Variants in CETN3 observed in about 807,000 individuals in gnomAD.
The protein encoded by CETN3 is centrin-3.
Under a neutral mutation model 20.1 loss-of-function variants are expected in CETN3, and 17 were observed. The ratio of observed to expected loss-of-function variants is 0.85; its 90% confidence interval spans 0.58 to 1.27. The LOEUF is 1.27. Among genes scored for constraint, CETN3 ranks in the 50% most tolerant of loss-of-function variants. The pLI is 0.00. For synonymous variants in CETN3, 52 were observed against 59.7 expected, an observed-to-expected ratio of 0.87 and a Z score of 0.59; for missense variants, 169 against 191.2, an observed-to-expected ratio of 0.88 and a Z score of 0.69.
chr5:90,393,734 AT>A lies in CETN3; in HGVS notation c.*329del, dbSNP rs1749071069. On this transcript the variant is annotated 3_prime_UTR_variant, in exon 5 of 5. Transcript: ENST00000283122. ...ACTTTAAAATTCTAATAAAATAAAT[AT>A]TTTATTAACGAAAGTCTGGAAAATG... 6.1e-6 allele frequency: 1 copy of A among 162,618 alleles called. No homozygotes were observed. Among genetic ancestry groups the A allele is most frequent in the South Asian group, 2.0e-4 (1 of 4,932 alleles). The allele number at this position is 162,618 out of a possible 1,614,324, so 10.1% of individuals were successfully genotyped here.
In CETN3 at chr5:90,394,056, G is replaced by C. The variant is rs770453590; in HGVS notation, c.*8C>G. On this transcript the variant is annotated 3_prime_UTR_variant, in exon 5 of 5. Transcript: ENST00000283122. The stretch of plus-strand genomic sequence containing the variant: ...TGCAACATTCTTAGTGTTTATCCTT[G>C]TAATTCTTTAAATGTCACCAGTCAT... 6.5e-7 allele frequency: 1 copy of C among 1,529,468 alleles called. No individual in the cohort carries two copies. The highest frequency in any genetic ancestry group is 9.0e-7 in the Non-Finnish European group (1 of 1,112,272). The allele number at this position is 1,529,468 out of a possible 1,614,324, so 94.7% of individuals were successfully genotyped here.
intron 2 of CETN3, 119 bp downstream of exon 2, chr5:90,407,580 G>A (rs1749484131): frequency 3.2e-6 from 2 of 626,972 alleles, no homozygotes. Context: ...TGCTTAAAAT[G>A]CCTTCATAGT....
At chr5:90,396,499 T>C in intron 4 of CETN3, 1 of 1,533,034 alleles carries the variant, frequency 6.5e-7, no homozygotes, top group Non-Finnish European at 8.7e-7. Flanking sequence ...GCACCTTCAC[T>C]GAAGAACTCC....
chr5:90,397,512 G>A (rs1305199583), intron 4 of CETN3, among the ~76,000 whole-genome samples: 2 of 151,986 alleles, frequency 1.3e-5, no homozygotes, highest in East Asian at 3.8e-4. Flanking sequence ...GAATTTTACA[G>A]AACTAAGTAG....
chr5:90,393,869 G>C lies in CETN3; in HGVS notation c.*195C>G. 2.3e-6 allele frequency: 1 copy of C among 429,780 alleles called. No homozygotes were observed. Among genetic ancestry groups the C allele is most frequent in the East Asian group, 3.8e-5 (1 of 26,334 alleles). The allele number at this position is 429,780 out of a possible 1,614,324, so 26.6% of individuals were successfully genotyped here. A position where few individuals can be genotyped will look rare whatever the true frequency, so the allele number is the denominator to read the frequency against. ...ATAAAAGCTCTATTATAAATACAAA[G>C]CTAAACTATCTGAGTACTAACAACA... is the stretch of plus-strand genomic sequence containing the variant. On this transcript the variant is annotated 3_prime_UTR_variant, in exon 5 of 5. Transcript: ENST00000283122.
chr5:90,396,649 A>T, intron 4 of CETN3: 1 of 947,458 alleles, frequency 1.1e-6, no homozygotes, highest in Non-Finnish European at 1.4e-6. Context: ...CATGATTAAA[A>T]TATTCAAAAT....
intron 3 of CETN3, among the ~76,000 whole-genome samples, chr5:90,402,657 G>C (rs1223710365): frequency 6.6e-6 from 1 of 152,110 alleles, no homozygotes; most frequent in African/African-American, 2.4e-5. Context: ...TTTGTAGAGG[G>C]CCATAAAGTC....
rs1350153558 is a variant in CETN3, at chr5:90,399,498, A to C, written c.320T>G (p.Phe107Cys). 1 of 1,613,802 alleles carries C rather than the reference A, an allele frequency of 6.2e-7. No individual in the cohort carries two copies. The highest frequency in any genetic ancestry group is 2.2e-5 in the East Asian group (1 of 44,842). Residue 107 changes from phenylalanine (F) to cysteine (C), a missense_variant, in exon 4 of 5, where the codon TTT (phenylalanine) becomes TGT (cysteine). Phe to Cys is a radical substitution (Grantham distance 205). Transcript: ENST00000283122. ...TGAATCATCATCATCAAATAGTTTAAATGCCTTGAGTATTTCTTCATGGGG... is the reference window on the plus strand; with the variant it reads ...TGAATCATCATCATCAAATAGTTTACATGCCTTGAGTATTTCTTCATGGGG... ...RDPHEEILKA[F>C]KLFDDDDSGK...
At chr5:90,405,289 A>G (rs1749405537) in intron 3 of CETN3, 1 of 190,020 alleles carries the variant, frequency 5.3e-6, no homozygotes, top group African/African-American at 2.3e-5. Flanking sequence ...AACAAAAATC[A>G]CATACCAGAA....
Position 90,394,030 on chromosome 5 carries a change from C to CTGCA in CETN3, c.*30_*33dup. On this transcript the variant is annotated 3_prime_UTR_variant, in exon 5 of 5. Transcript: ENST00000283122. Reference sequence around the variant, plus strand: ...ACAAAAATAGAATATAAGATGGTAACTGCAACATTCTTAGTGTTTATCCTT... The same window carrying CTGCA: ...ACAAAAATAGAATATAAGATGGTAACTGCATGCAACATTCTTAGTGTTTATCCTT... The CTGCA allele has an allele frequency of 7.2e-7, 1 of 1,397,882 alleles. No homozygotes were observed. The highest frequency in any genetic ancestry group is 1.0e-6 in the Non-Finnish European group (1 of 999,680). 86.6% of individuals were successfully genotyped at this position (1,397,882 alleles called of 1,614,324 possible). A position where few individuals can be genotyped will look rare whatever the true frequency, so the allele number is the denominator to read the frequency against.
chr5:90,409,510 G>A (rs910724937), intron 1 of CETN3, 135 bp downstream of exon 1: 50 of 997,184 alleles, frequency 5.0e-5, no homozygotes, highest in Non-Finnish European at 7.4e-5. Flanking sequence ...CGGGCAGGCT[G>A]CCCTAGGCTC....
At chr5:90,396,363 T>C (rs192398506) in intron 4 of CETN3, 3 of 1,356,828 alleles carry the variant, frequency 2.2e-6, no homozygotes, top group Admixed American at 3.2e-5. Flanking sequence ...TACAAATTGA[T>C]GTAGTGATCT....
At chr5:90,402,344 C>A (rs552816906) in intron 3 of CETN3, among the ~76,000 whole-genome samples, 1 of 152,266 alleles carries the variant, frequency 6.6e-6, no homozygotes, top group South Asian at 2.1e-4. Flanking sequence ...AATTCAAAAT[C>A]TTCATGTTTT....
At chr5:90,398,310 T>TA (rs1213698792) in intron 4 of CETN3, among the ~76,000 whole-genome samples, 1 of 152,166 alleles carries the variant, frequency 6.6e-6, no homozygotes, top group Admixed American at 6.6e-5. Flanking sequence ...AAGTGGTTTT[T>TA]ATCTCAACAA....
Position 90,407,712 on chromosome 5 carries a change from T to C in CETN3, c.140A>G (p.Tyr47Cys), listed in dbSNP as rs780938077. 2 of 1,531,096 alleles carry C rather than the reference T, an allele frequency of 1.3e-6. No homozygotes were observed. The highest frequency in any genetic ancestry group is 1.4e-5 in the African/African-American group (1 of 72,178). The allele number at this position is 1,531,096 out of a possible 1,614,324, so 94.8% of individuals were successfully genotyped here. ...GTATACCATTACCTTTAATTCATGA[T>C]AATCTATTGCTTCATCTTTGTCTGT... ...FDTDKDEAID[Y>C]HELKVAMRAL... Residue 47 changes from tyrosine (Y) to cysteine (C), a missense_variant, in exon 2 of 5, where the codon TAT becomes TGT. Physicochemically the swap from Tyr to Cys is radical, Grantham distance 194. Coordinates refer to ENST00000283122, the MANE Select transcript of CETN3 (RefSeq NM_004365.4).
intron 4 of CETN3, among the ~76,000 whole-genome samples, chr5:90,398,825 C>T (rs543539664): frequency 1.3e-4 from 20 of 152,152 alleles, no homozygotes; most frequent in African/African-American, 4.3e-4. Flanking sequence ...TTTTATATGC[C>T]GAAAGGGCAA....
chr5:90,394,045 T>G lies in CETN3; in HGVS notation c.*19A>C. The stretch of plus-strand genomic sequence containing the variant: ...AAGATGGTAACTGCAACATTCTTAG[T>G]GTTTATCCTTGTAATTCTTTAAATG... On this transcript the variant is annotated 3_prime_UTR_variant, in exon 5 of 5. Coordinates refer to ENST00000283122, the MANE Select transcript of CETN3 (RefSeq NM_004365.4). 1 of 1,482,344 alleles carries G rather than the reference T, an allele frequency of 6.7e-7. No homozygotes were observed. The allele number at this position is 1,482,344 out of a possible 1,614,324, so 91.8% of individuals were successfully genotyped here. A position where few individuals can be genotyped will look rare whatever the true frequency, so the allele number is the denominator to read the frequency against.
At chr5:90,408,982 G>A (rs1308058206) in intron 1 of CETN3, among the ~76,000 whole-genome samples, 4 of 152,048 alleles carry the variant, frequency 2.6e-5, no homozygotes, top group African/African-American at 9.7e-5. Context: ...CCATCCAAGG[G>A]TACCATGATT....
intron 3 of CETN3, among the ~76,000 whole-genome samples, chr5:90,402,470 T>C (rs1048279694): frequency 3.9e-5 from 6 of 152,240 alleles, no homozygotes; most frequent in African/African-American, 1.4e-4. Context: ...TCTTTGTTGT[T>C]GCTGCTTTCT....
Sources: allele counts gnomAD v4.1 joint callset (sites outside exome capture counted in the v4.1 genomes callset), GRCh38; gene constraint gnomAD v4.1.1; transcripts MANE v1.5; gene names NCBI Gene and HGNC (gene_info 2026-07-23, HGNC 2026-07-21).